KSR2: variants seen among roughly 807,000 people sequenced by gnomAD.
KSR2 encodes the protein kinase suppressor of ras 2.
A neutral mutation model predicts 107.8 loss-of-function variants in KSR2; 25 were observed. That is an observed-to-expected ratio of 0.23 (90% CI 0.17 to 0.32). The LOEUF (loss-of-function observed/expected upper bound fraction) is 0.32, where lower values mean the gene tolerates loss of function less well. Ranked by LOEUF, KSR2 falls within the 10% of genes least tolerant of loss-of-function variation. The probability of loss-of-function intolerance (pLI) is 1.00; values close to 1 mark genes in which losing one functional copy is unlikely to be tolerated. For missense variants in KSR2, 887 were observed against 1,268.9 expected, an observed-to-expected ratio of 0.70 and a Z score of 4.57; for synonymous variants, 480 against 507.0, an observed-to-expected ratio of 0.95 and a Z score of 0.71.
At chr12:117,886,134 G>A (rs1047669859) in intron 1 of KSR2, among the ~76,000 whole-genome samples, 1 of 150,610 alleles carries the variant, frequency 6.6e-6, no homozygotes, top group Admixed American at 6.6e-5. Flanking sequence ...ACAAGTATCT[G>A]AAACCTAAAA....
chr12:117,578,532 G>A (rs1340186618), intron 7 of KSR2, among the ~76,000 whole-genome samples: 2 of 150,680 alleles, frequency 1.3e-5, no homozygotes, highest in Non-Finnish European at 2.9e-5. Context: ...AACCCAGGAA[G>A]TGGAGGTTGC....
intron 3 of KSR2, among the ~76,000 whole-genome samples, chr12:117,768,247 G>T (rs1011138859): frequency 1.3e-5 from 2 of 152,346 alleles, no homozygotes; most frequent in African/African-American, 4.8e-5. Flanking sequence ...ACTGGAGCTG[G>T]AGGCCAAGCA....
chr12:117,917,867 T>G (rs1895229055), intron 1 of KSR2, among the ~76,000 whole-genome samples: 1 of 152,202 alleles, frequency 6.6e-6, no homozygotes, highest in Non-Finnish European at 1.5e-5. Context: ...GGATTTTGCT[T>G]TAGTTACTAG....
At chr12:117,864,233 G>T (rs140851564) in intron 1 of KSR2, among the ~76,000 whole-genome samples, 156 of 152,220 alleles carry the variant, frequency 1.0e-3, no homozygotes, top group African/African-American at 3.6e-3. Context: ...CAATGAAGTG[G>T]GGAGATTAGG....
intron 1 of KSR2, among the ~76,000 whole-genome samples, chr12:117,922,616 CT>C (rs1452561567): frequency 6.6e-6 from 1 of 152,136 alleles, no homozygotes; most frequent in African/African-American, 2.4e-5. Context: ...GACGAGTGCT[CT>C]GCTGAGAAAG....
intron 3 of KSR2, among the ~76,000 whole-genome samples, chr12:117,805,271 C>T (rs1404445281): frequency 6.6e-6 from 1 of 152,222 alleles, no homozygotes; most frequent in African/African-American, 2.4e-5. Flanking sequence ...TGAATTTAGA[C>T]TCTGAATATT....
chr12:117,864,631 G>A (rs770591946), intron 1 of KSR2, among the ~76,000 whole-genome samples: 9 of 152,084 alleles, frequency 5.9e-5, no homozygotes, highest in Non-Finnish European at 1.0e-4. Context: ...TCAAGGTGTC[G>A]GTGAGGCCAT....
At chr12:117,488,347 A>G (rs1487498206) in intron 14 of KSR2, among the ~76,000 whole-genome samples, 1 of 152,232 alleles carries the variant, frequency 6.6e-6, no homozygotes, top group Non-Finnish European at 1.5e-5. Context: ...ACCCCTACAC[A>G]TGCACTAGAA....
chr12:117,491,014 T>A (rs12298118), intron 14 of KSR2, among the ~76,000 whole-genome samples: 13,455 of 152,090 alleles, frequency 0.088, 952 homozygotes, highest in African/African-American at 0.2. Flanking sequence ...GTTCAATAGA[T>A]CTCTTGAACT....
At chr12:117,496,624 T>C (rs1873041193) in intron 14 of KSR2, among the ~76,000 whole-genome samples, 2 of 152,210 alleles carry the variant, frequency 1.3e-5, no homozygotes, top group African/African-American at 4.8e-5. Flanking sequence ...GTCATTACCT[T>C]CTATCATTGC....
At chr12:117,804,455 G>T (rs1213724124) in intron 3 of KSR2, among the ~76,000 whole-genome samples, 1 of 152,136 alleles carries the variant, frequency 6.6e-6, no homozygotes, top group Non-Finnish European at 1.5e-5. Context: ...TTAAGAAAAA[G>T]TTAGCTCACC....
intron 1 of KSR2, among the ~76,000 whole-genome samples, chr12:117,911,300 T>C (rs981748023): frequency 5.3e-5 from 8 of 152,072 alleles, no homozygotes; most frequent in African/African-American, 1.9e-4. Flanking sequence ...GTCTGCCACA[T>C]CCGAGCCAAA....
intron 1 of KSR2, among the ~76,000 whole-genome samples, chr12:117,938,826 G>A (rs956206904): frequency 1.3e-5 from 2 of 152,198 alleles, no homozygotes; most frequent in East Asian, 1.9e-4. Flanking sequence ...AAGCTATGAC[G>A]CTGCTTCTTG....
At chr12:117,563,801 C>A (rs1878279453) in intron 7 of KSR2, among the ~76,000 whole-genome samples, 1 of 152,042 alleles carries the variant, frequency 6.6e-6, no homozygotes, top group Non-Finnish European at 1.5e-5. Flanking sequence ...GTGGCATGAC[C>A]CAGAGGCATG....
intron 5 of KSR2, among the ~76,000 whole-genome samples, chr12:117,627,677 T>A (rs188340422): frequency 4.2e-4 from 64 of 152,326 alleles, no homozygotes; most frequent in Non-Finnish European, 7.1e-4. Flanking sequence ...CAATTATGTG[T>A]CTTGGGGTTG....
chr12:117,700,691 G>T lies in KSR2; in HGVS notation c.987-33033C>A, dbSNP rs558306589. ...TAACTTGGTGAAGACGCTATTAACC[G>T]CAGTAAAGAAAACATTTATTCACAA... On this transcript the variant is annotated intron_variant, in intron 4 of 19. Transcript: ENST00000339824. 7.3e-4 allele frequency among the ~76,000 whole-genome samples: 111 copies of T among 152,292 alleles called. 2 individuals are homozygous for T. The South Asian group carries it at 0.018, about 25-fold the overall frequency.
chr12:117,503,496 C>T lies in KSR2; in HGVS notation c.2220-17805G>A, dbSNP rs117086071. Among the ~76,000 whole-genome samples, 111 of 152,266 alleles carry T rather than the reference C, an allele frequency of 7.3e-4. 1 individual carries two copies. In the East Asian group the frequency reaches 0.018, roughly 25 times the overall value. On this transcript the variant is annotated intron_variant, in intron 14 of 19. Transcript: ENST00000339824. ...CCACTTTCTTTTCTTGTGCCACCCA[C>T]GACCAAGGAGGCTCCAGGATGATAT...
At chr12:117,817,936 A>G (rs1891431777) in intron 3 of KSR2, among the ~76,000 whole-genome samples, 1 of 152,082 alleles carries the variant, frequency 6.6e-6, no homozygotes, top group African/African-American at 2.4e-5. Flanking sequence ...CCCCGTCTAC[A>G]CTAAAAATAC....
intron 5 of KSR2, among the ~76,000 whole-genome samples, chr12:117,635,570 G>T (rs1263657575): frequency 6.6e-6 from 1 of 152,182 alleles, no homozygotes; most frequent in East Asian, 1.9e-4. Context: ...CAAAGTAAGT[G>T]ATGGGTTTAA....
Sources: allele counts gnomAD v4.1 joint callset (sites outside exome capture counted in the v4.1 genomes callset), GRCh38; gene constraint gnomAD v4.1.1; transcripts MANE v1.5; gene names NCBI Gene and HGNC (gene_info 2026-07-23, HGNC 2026-07-21).